The following KAZN variants were observed in gnomAD, a reference collection of about 807,000 sequenced individuals.
KAZN encodes kazrin.
A neutral mutation model predicts 87.4 loss-of-function variants in KAZN; 40 were observed. The ratio of observed to expected loss-of-function variants is 0.46; its 90% CI spans 0.36 to 0.60. The LOEUF is 0.60. KAZN is among the 20% of genes least tolerant of loss of function. KAZN has a pLI of 0.00. For missense variants in KAZN, 898 were observed against 1,073.9 expected, an observed-to-expected ratio of 0.84 and a Z score of 2.29; for synonymous variants, 466 against 458.3, an observed-to-expected ratio of 1.02 and a Z score of -0.22.
intron 2 of KAZN, among the ~76,000 whole-genome samples, chr1:14,461,375 G>A (rs1046009246): frequency 2.0e-5 from 3 of 152,098 alleles, no homozygotes; most frequent in African/African-American, 7.2e-5. Flanking sequence ...TAAGTCTCAC[G>A]AGATCTGATG....
chr1:14,587,986 T>A (rs1571993001), intron 2 of KAZN, among the ~76,000 whole-genome samples: 2 of 152,164 alleles, frequency 1.3e-5, no homozygotes, highest in East Asian at 3.9e-4. Context: ...AGAAAAGTAG[T>A]AAGAGGGGGG....
At chr1:14,795,670 C>T (rs138672367) in intron 1 of KAZN, among the ~76,000 whole-genome samples, 36 of 152,272 alleles carry the variant, frequency 2.4e-4, no homozygotes, top group African/African-American at 8.7e-4. Context: ...GCTCTCACCT[C>T]CTCTCCATTC....
At chr1:14,601,644 C>T (rs772965024) in intron 1 of KAZN, among the ~76,000 whole-genome samples, 13 of 152,142 alleles carry the variant, frequency 8.5e-5, no homozygotes, top group Non-Finnish European at 5.9e-5. Flanking sequence ...CTTGATTCTT[C>T]GTAATACACC....
Position 14,950,985 on chromosome 1 carries a change from T to A in KAZN, c.227-9699T>A, listed in dbSNP as rs1031522413. Among the ~76,000 whole-genome samples the A allele has an allele frequency of 3.3e-5, 5 of 152,286 alleles. 1 individual carries two copies. The East Asian group carries it at 7.7e-4, about 23-fold the overall frequency. On this transcript the variant is annotated intron_variant, in intron 1 of 14. Coordinates refer to ENST00000376030, the MANE Select transcript of KAZN (RefSeq NM_201628.3). ...CAACAGCAAACTTCCTATGTTTAAC[T>A]GCATGTTCTCTCTGTGGCTCAGTTT...
chr1:15,032,270 G>C (rs1364046429), intron 2 of KAZN, among the ~76,000 whole-genome samples: 1 of 139,606 alleles, frequency 7.2e-6, no homozygotes, highest in African/African-American at 2.7e-5. Context: ...TTGGCTCACT[G>C]CAAGCTCTGC....
intron 1 of KAZN, among the ~76,000 whole-genome samples, chr1:14,905,157 C>T (rs1270047749): frequency 6.6e-6 from 1 of 152,180 alleles, no homozygotes; most frequent in Non-Finnish European, 1.5e-5. Flanking sequence ...CTTCTGGGTT[C>T]AAGCAATTCT....
intron 2 of KAZN, among the ~76,000 whole-genome samples, chr1:14,180,839 A>G (rs1646182433): frequency 6.6e-6 from 1 of 152,224 alleles, no homozygotes; most frequent in Non-Finnish European, 1.5e-5. Flanking sequence ...TGAGAATTTA[A>G]CAGATCTCCC....
chr1:14,237,336 T>G (rs533167223), intron 2 of KAZN, among the ~76,000 whole-genome samples: 5 of 152,072 alleles, frequency 3.3e-5, no homozygotes, highest in Non-Finnish European at 7.4e-5. Context: ...AGCTGAGGAG[T>G]GAGCAAGGCC....
At chr1:14,075,620 A>G (rs555195687) in intron 1 of KAZN, among the ~76,000 whole-genome samples, 29 of 152,190 alleles carry the variant, frequency 1.9e-4, no homozygotes, top group Non-Finnish European at 4.1e-4. Context: ...TTTTATACCC[A>G]TGCATGCTCA....
intron 2 of KAZN, among the ~76,000 whole-genome samples, chr1:14,330,937 G>C (rs1488110654): frequency 6.6e-6 from 1 of 152,148 alleles, no homozygotes. Context: ...GTTTCATAAA[G>C]AAAAGTGCAT....
chr1:14,507,240 G>A (rs1247692768), intron 2 of KAZN, among the ~76,000 whole-genome samples: 5 of 152,038 alleles, frequency 3.3e-5, no homozygotes, highest in East Asian at 3.9e-4. Flanking sequence ...ATCCCTCTCC[G>A]AACCCCTTTT....
At chr1:14,088,642 G>C (rs1185867804) in intron 1 of KAZN, among the ~76,000 whole-genome samples, 1 of 151,942 alleles carries the variant, frequency 6.6e-6, no homozygotes, top group Non-Finnish European at 1.5e-5. Flanking sequence ...ACATTGGTTA[G>C]ACCAAGTTCA....
At chr1:14,174,878 G>C (rs936456067) in intron 1 of KAZN, among the ~76,000 whole-genome samples, 2 of 152,152 alleles carry the variant, frequency 1.3e-5, no homozygotes, top group African/African-American at 4.8e-5. Context: ...AAACTGAGGG[G>C]TAAGTAGGGG....
chr1:14,887,691 G>C (rs1231128566), intron 1 of KAZN, among the ~76,000 whole-genome samples: 2 of 145,846 alleles, frequency 1.4e-5, no homozygotes, highest in Non-Finnish European at 3.0e-5. Context: ...TTGCGGTCGT[G>C]CTCCCAGGGA....
rs1045685742 is a variant in KAZN at position 14,517,789 on chromosome 1, G to T, written c.250-81194G>T. Among the ~76,000 whole-genome samples, 6 of 152,316 alleles carry T rather than the reference G, an allele frequency of 3.9e-5. No individual in the cohort carries two copies. In the East Asian group the frequency reaches 9.6e-4, roughly 24 times the overall value. Reference sequence around the variant, plus strand: ...AATACCAGGTCCACACAGCTGCCAAGAGGAACATCATCCAGTTATTATTTT... The same window carrying T: ...AATACCAGGTCCACACAGCTGCCAATAGGAACATCATCCAGTTATTATTTT... On this transcript the variant is annotated intron_variant, in intron 2 of 16. Coordinates refer to the KAZN transcript ENST00000636203.
intron 1 of KAZN, among the ~76,000 whole-genome samples, chr1:13,952,378 T>TC (rs750009019): frequency 0.018 from 2,643 of 145,528 alleles, 38 homozygotes; most frequent in South Asian, 0.04. Context: ...ATAATAATAA[T>TC]ATCAATATCT....
chr1:14,031,321 T>C (rs1641319383), intron 1 of KAZN, among the ~76,000 whole-genome samples: 1 of 152,172 alleles, frequency 6.6e-6, no homozygotes, highest in South Asian at 2.1e-4. Context: ...CCAGAACAAA[T>C]AATTTTTGTT....
chr1:14,843,593 T>G (rs894280270), intron 1 of KAZN, among the ~76,000 whole-genome samples: 1 of 152,322 alleles, frequency 6.6e-6, no homozygotes, highest in South Asian at 2.1e-4. Flanking sequence ...GCACAGAAAC[T>G]TGCATGGGCA....
chr1:14,436,891 C>G (rs183519541), intron 2 of KAZN, among the ~76,000 whole-genome samples: 101 of 152,212 alleles, frequency 6.6e-4, no homozygotes, highest in African/African-American at 1.8e-3. Context: ...GATTCCAAAG[C>G]CTTCTTCTCA....
Sources: gnomAD v4.1 joint callset for allele counts (sites outside exome capture counted in the v4.1 genomes callset) on GRCh38, gnomAD v4.1.1 for gene constraint, MANE v1.5 for transcripts, NCBI Gene and HGNC (gene_info 2026-07-23, HGNC 2026-07-21) for gene names.